PCDHGC4: variants seen among roughly 807,000 people sequenced by gnomAD.
PCDHGC4 encodes the protein protocadherin gamma subfamily C, 4, also known as protocadherin gamma-C4.
In PCDHGC4, 15 loss-of-function variants were observed where a neutral mutation model predicts 59.7. The observed-to-expected ratio is 0.25, with a 90% CI of 0.17 to 0.39. The LOEUF is 0.39. Among genes scored for constraint, PCDHGC4 ranks in the 10% least tolerant of loss-of-function variants. The pLI is 1.00. For missense variants in PCDHGC4, 1,016 were observed against 1,189.5 expected (o/e 0.85, Z 2.15); for synonymous variants, 434 against 481.4 (o/e 0.90, Z 1.29).
intron 3 of PCDHGC4, among the ~76,000 whole-genome samples, chr5:141,509,419 T>C (rs2154594533): frequency 6.6e-6 from 1 of 152,216 alleles, no homozygotes; most frequent in South Asian, 2.1e-4. Flanking sequence ...CGAGCCCCAA[T>C]GAGTCAAACT....
Position 141,490,754 on chromosome 5 carries a change from CCTT to C in PCDHGC4, c.2442+3140_2442+3142del, listed in dbSNP as rs775582875. ...CAGGTTCAGGGAGCCCCAGCCTCCT[CCTT>C]TGTGTATGTCAACCCAGAGGATGGA... On this transcript the variant is annotated intron_variant, in intron 1 of 3. Transcript: ENST00000306593. The surrounding 1 kb of genome is among the most constrained non-coding windows in gnomAD (Gnocchi z 5.4). 3.1e-6 allele frequency: 5 copies of C among 1,614,200 alleles called. No individual in the cohort carries two copies. The highest frequency in any genetic ancestry group is 3.4e-6 in the Non-Finnish European group (4 of 1,180,038).
chr5:141,485,663 A>G lies in PCDHGC4; in HGVS notation c.490A>G (p.Ser164Gly), dbSNP rs1594506698. The part of the protein sequence containing the change: ...LEKAQDADVG[S>G]NSISSYRLSS... ...AAAGGCTCAGGATGCAGATGTGGGG[A>G]GCAATTCGATTAGCAGCTATAGGCT... The change falls in exon 1 of 4, where the codon AGC becomes GGC. Residue 164 changes from serine to glycine, a missense_variant. By Grantham distance (56) the Ser-to-Gly change is moderately conservative. Transcript: ENST00000306593. The surrounding 1 kb of genome is among the most constrained non-coding windows in gnomAD (Gnocchi z 5.7). The G allele has an allele frequency of 1.2e-6, 2 of 1,612,638 alleles. No homozygotes were observed. Among genetic ancestry groups the G allele is most frequent in the East Asian group, 4.5e-5 (2 of 44,840 alleles).
chr5:141,503,960 T>TTC (rs2099834474), intron 2 of PCDHGC4, among the ~76,000 whole-genome samples: 1 of 152,172 alleles, frequency 6.6e-6, no homozygotes, highest in Admixed American at 6.5e-5. Flanking sequence ...CCTACAGCCT[T>TTC]TCCCATGGTG....
rs2099694486 is a variant in PCDHGC4 at position 141,489,987 on chromosome 5, G to A, written c.2442+2372G>A. The A allele has an allele frequency of 1.2e-6, 2 of 1,614,106 alleles. No homozygotes were observed. The highest frequency in any genetic ancestry group is 1.3e-5 in the African/African-American group (1 of 74,932). The stretch of plus-strand genomic sequence containing the variant: ...CCTTCCAATCCTCAGTTCTACGTGT[G>A]GGAATCCCAGAGAATGCACCCATTG... On this transcript the variant is annotated intron_variant, in intron 1 of 3. Coordinates refer to ENST00000306593, the MANE Select transcript of PCDHGC4 (RefSeq NM_018928.3). The surrounding 1 kb of genome is among the most constrained non-coding windows in gnomAD (Gnocchi z 4.5).
At position 141,490,753 on chromosome 5, in the gene PCDHGC4, T is replaced by C; in HGVS notation, c.2442+3138T>C. ...TCAGGTTCAGGGAGCCCCAGCCTCC[T>C]CCTTTGTGTATGTCAACCCAGAGGA... On this transcript the variant is annotated intron_variant, in intron 1 of 3. Transcript: ENST00000306593. This position sits in a 1 kb window ranked among gnomAD's most constrained non-coding sequence, Gnocchi z 5.4. 1 of 1,614,184 alleles carries C rather than the reference T, an allele frequency of 6.2e-7. No individual in the cohort carries two copies. The highest frequency in any genetic ancestry group is 8.5e-7 in the Non-Finnish European group (1 of 1,180,024).
In PCDHGC4 at chr5:141,491,807, G is replaced by A; in HGVS notation, c.2443-3000G>A. On this transcript the variant is annotated intron_variant, in intron 1 of 3. Transcript: ENST00000306593. The surrounding 1 kb of genome is among the most constrained non-coding windows in gnomAD (Gnocchi z 6.9). ...CATCCACTCCTCTCCGGCCGGCTTG[G>A]TCGCTGGCTGCGCTCCACCCGATTC... is the stretch of plus-strand genomic sequence containing the variant. 1 of 1,491,112 alleles carries A rather than the reference G, an allele frequency of 6.7e-7. No homozygotes were observed. The highest frequency in any genetic ancestry group is 1.4e-5 in the South Asian group (1 of 73,752). The allele number at this position is 1,491,112 out of a possible 1,614,324, so 92.4% of individuals were successfully genotyped here. A position where few individuals can be genotyped will look rare whatever the true frequency, so the allele number is the denominator to read the frequency against.
chr5:141,490,874 A>C lies in PCDHGC4; in HGVS notation c.2442+3259A>C. 1 of 1,613,948 alleles carries C rather than the reference A, an allele frequency of 6.2e-7. No homozygotes were observed. The highest frequency in any genetic ancestry group is 1.3e-5 in the African/African-American group (1 of 75,054). The stretch of plus-strand genomic sequence containing the variant: ...CGAGACTCCGGCTCTCCCCCATTGC[A>C]TGCCAACACATCTCTGCATGTGTTT... On this transcript the variant is annotated intron_variant, in intron 1 of 3. Coordinates refer to ENST00000306593, the MANE Select transcript of PCDHGC4 (RefSeq NM_018928.3). The surrounding 1 kb of genome is among the most constrained non-coding windows in gnomAD (Gnocchi z 5.4).
rs2154591305 is a variant in PCDHGC4, at chr5:141,493,879, G to A, written c.2443-928G>A. Among the ~76,000 whole-genome samples the A allele has an allele frequency of 6.6e-6, 1 of 152,288 alleles. No homozygotes were observed. The highest frequency in any genetic ancestry group is 6.5e-5 in the Admixed American group (1 of 15,302). ...CCCACCCCAGAACCAGTGAGGAGGT[G>A]GCTCTAGGAGTGCTCCATGAGAGTG... On this transcript the variant is annotated intron_variant, in intron 1 of 3. Coordinates refer to ENST00000306593, the MANE Select transcript of PCDHGC4 (RefSeq NM_018928.3). This position sits in a 1 kb window ranked among gnomAD's most constrained non-coding sequence, Gnocchi z 4.3.
At chr5:141,508,499 C>T (rs1425054102) in intron 3 of PCDHGC4, among the ~76,000 whole-genome samples, 7 of 152,212 alleles carry the variant, frequency 4.6e-5, no homozygotes, top group Non-Finnish European at 1.0e-4. Flanking sequence ...CATATCTTCT[C>T]TCCCTCCTGG....
intron 2 of PCDHGC4, among the ~76,000 whole-genome samples, chr5:141,503,682 G>A (rs1430771639): frequency 1.3e-5 from 2 of 151,974 alleles, no homozygotes; most frequent in South Asian, 4.1e-4. Flanking sequence ...CTTTTGGGAA[G>A]GAGAATTGAG....
rs779065098 is a variant in PCDHGC4, at chr5:141,491,758, C to G, written c.2443-3049C>G. The G allele has an allele frequency of 1.9e-6, 3 of 1,578,788 alleles. No individual in the cohort carries two copies. The highest frequency in any genetic ancestry group is 1.7e-4 in the Middle Eastern group (1 of 5,954). ...TGGGGGCGGCACTGGAGAAGCCGCCCGTCCTCATAAGGGATTGAACTTGCA... is the reference window on the plus strand; with the variant it reads ...TGGGGGCGGCACTGGAGAAGCCGCCGGTCCTCATAAGGGATTGAACTTGCA... On this transcript the variant is annotated intron_variant, in intron 1 of 3. Transcript: ENST00000306593. This position sits in a 1 kb window ranked among gnomAD's most constrained non-coding sequence, Gnocchi z 6.9.
intron 3 of PCDHGC4, among the ~76,000 whole-genome samples, chr5:141,508,855 C>T (rs2099872444): frequency 6.6e-6 from 1 of 152,020 alleles, no homozygotes; most frequent in Non-Finnish European, 1.5e-5. Flanking sequence ...CATTCCCAGG[C>T]TGGGAAAGGC....
intron 2 of PCDHGC4, 91 bp from the exon 3 acceptor site, chr5:141,505,302 G>C: frequency 6.3e-7 from 1 of 1,592,714 alleles, no homozygotes. Context: ...TAGGGTTAGG[G>C]TACTAGGTTT....
chr5:141,510,032 T>C (rs1410346284), intron 3 of PCDHGC4, among the ~76,000 whole-genome samples: 3 of 152,150 alleles, frequency 2.0e-5, no homozygotes, highest in Non-Finnish European at 4.4e-5. Flanking sequence ...GCTGGGCTGT[T>C]ATGTAGAGGT....
rs1345800081 is a variant in PCDHGC4, at chr5:141,485,453, G to A, written c.280G>A (p.Ala94Thr). 1 of 1,614,176 alleles carries A rather than the reference G, an allele frequency of 6.2e-7. No homozygotes were observed. The highest frequency in any genetic ancestry group is 8.5e-7 in the Non-Finnish European group (1 of 1,180,036). Residue 94 changes from alanine (A) to threonine (T), a missense_variant, in exon 1 of 4, where the codon GCA (alanine) becomes ACA (threonine). By Grantham distance (58) the Ala-to-Thr change is moderately conservative. Transcript: ENST00000306593. The surrounding 1 kb of genome is among the most constrained non-coding windows in gnomAD (Gnocchi z 5.7). ...LLIKNPIDRE[A>T]LCGLSASCIV... ...CATCAAGAACCCAATCGACCGAGAG[G>A]CACTGTGTGGGCTCAGTGCCAGCTG...
chr5:141,509,497 G>A (rs1167178592), intron 3 of PCDHGC4, among the ~76,000 whole-genome samples: 1 of 152,196 alleles, frequency 6.6e-6, no homozygotes, highest in Non-Finnish European at 1.5e-5. Flanking sequence ...TGGCATGCTG[G>A]ATGTGACGGT....
chr5:141,495,424 A>G (rs927637242), intron 2 of PCDHGC4, among the ~76,000 whole-genome samples: 2 of 152,088 alleles, frequency 1.3e-5, no homozygotes, highest in Non-Finnish European at 2.9e-5. Flanking sequence ...CCCTCCTCCC[A>G]CTGTCCTCTG....
At chr5:141,507,443 G>A (rs2099860678) in intron 3 of PCDHGC4, among the ~76,000 whole-genome samples, 2 of 152,200 alleles carry the variant, frequency 1.3e-5, no homozygotes. Flanking sequence ...TACAGCTGAC[G>A]GAAGGACAGA....
rs775204388 is a variant in PCDHGC4, at chr5:141,490,235, G to T, written c.2442+2620G>T. On this transcript the variant is annotated intron_variant, in intron 1 of 3. Transcript: ENST00000306593. This position sits in a 1 kb window ranked among gnomAD's most constrained non-coding sequence, Gnocchi z 5.4. ...GACCAGGGACAGCCTGCCATGGAGG[G>T]CCACTGTGTGATTCAAGTGGATGTG... 1 of 1,614,228 alleles carries T rather than the reference G, an allele frequency of 6.2e-7. No homozygotes were observed. The highest frequency in any genetic ancestry group is 1.1e-5 in the South Asian group (1 of 91,084).
Sources: allele counts gnomAD v4.1 joint callset (sites outside exome capture counted in the v4.1 genomes callset), GRCh38; gene constraint gnomAD v4.1.1; non-coding constraint Gnocchi (gnomAD v3.1); transcripts MANE v1.5; gene names NCBI Gene and HGNC (gene_info 2026-07-23, HGNC 2026-07-21).